Variants in MYO1B observed in about 807,000 individuals in gnomAD.
MYO1B encodes myosin IB, also known as unconventional myosin-Ib.
MYO1B carries 72 observed loss-of-function variants against 159.7 expected under a neutral mutation model. That is an observed-to-expected ratio of 0.45 (90% confidence interval 0.37 to 0.55). The LOEUF is 0.55. Among genes scored for constraint, MYO1B ranks in the 20% least tolerant of loss-of-function variants. The pLI is 0.00. For missense variants in MYO1B, 1,062 were observed against 1,364.8 expected, an observed-to-expected ratio of 0.78 and a Z score of 3.50; for synonymous variants, 468 against 473.8, an observed-to-expected ratio of 0.99 and a Z score of 0.16.
intron 3 of MYO1B, among the ~76,000 whole-genome samples, chr2:191,315,771 C>T (rs542147478): frequency 3.9e-5 from 6 of 152,234 alleles, no homozygotes; most frequent in South Asian, 2.1e-4. Flanking sequence ...GTGGAAGCAG[C>T]GGACATAACA....
intron 1 of MYO1B, among the ~76,000 whole-genome samples, chr2:191,271,514 A>G (rs975830967): frequency 1.7e-3 from 10 of 5,900 alleles, no homozygotes; most frequent in African/African-American, 3.4e-3. Flanking sequence ...TTTCTATTTA[A>G]ATCTAAAAAA....
chr2:191,365,997 G>A (rs1329585217), intron 11 of MYO1B, among the ~76,000 whole-genome samples: 2 of 152,134 alleles, frequency 1.3e-5, no homozygotes, highest in Non-Finnish European at 2.9e-5. Flanking sequence ...TCTGGGGTAG[G>A]ACCGAGGAAT....
chr2:191,377,337 A>G (rs1427512747), intron 13 of MYO1B, among the ~76,000 whole-genome samples: 1 of 152,158 alleles, frequency 6.6e-6, no homozygotes, highest in Admixed American at 6.5e-5. Context: ...TCAGGGATAA[A>G]TGTGGGTAAG....
chr2:191,253,034 G>A (rs1295817631), intron 1 of MYO1B, among the ~76,000 whole-genome samples: 2 of 151,588 alleles, frequency 1.3e-5, no homozygotes, highest in Admixed American at 6.6e-5. Context: ...CCCAAAGTGA[G>A]TTGTTCCATA....
intron 1 of MYO1B, among the ~76,000 whole-genome samples, chr2:191,255,976 T>A (rs79971626): frequency 4.6e-5 from 7 of 152,164 alleles, no homozygotes; most frequent in Non-Finnish European, 1.0e-4. Context: ...GCCTTCTATG[T>A]TTTTTCCAGT....
chr2:191,312,063 GA>G lies in MYO1B; in HGVS notation c.251+15841del, dbSNP rs58825168. Among the ~76,000 whole-genome samples the G allele has an allele frequency of 2.8e-3, 420 of 152,202 alleles. 3 individuals carry two copies. The highest frequency in any genetic ancestry group is 9.7e-3 in the African/African-American group (405 of 41,542). On this transcript the variant is annotated intron_variant, in intron 3 of 30. Transcript: ENST00000392318. ...GTAGCATAGATGCATTTTAAATTTT[GA>G]AAATCTTTGTCCTTTTCTATATTTA...
chr2:191,247,634 T>C (rs546330709), intron 1 of MYO1B, among the ~76,000 whole-genome samples: 2 of 152,360 alleles, frequency 1.3e-5, no homozygotes, highest in East Asian at 3.9e-4. Context: ...AGGGAGACTT[T>C]TTGTTGTTGT....
intron 4 of MYO1B, among the ~76,000 whole-genome samples, chr2:191,331,518 T>G (rs1215936663): frequency 6.6e-6 from 1 of 152,240 alleles, no homozygotes; most frequent in Non-Finnish European, 1.5e-5. Context: ...TACAGGACAA[T>G]CACTTAGTTA....
chr2:191,286,425 A>G (rs1429432194), intron 2 of MYO1B, among the ~76,000 whole-genome samples: 1 of 152,084 alleles, frequency 6.6e-6, no homozygotes, highest in Non-Finnish European at 1.5e-5. Flanking sequence ...GTGGCATATG[A>G]CATCTTAATA....
At chr2:191,278,258 T>C (rs2125747397) in intron 2 of MYO1B, among the ~76,000 whole-genome samples, 1 of 152,346 alleles carries the variant, frequency 6.6e-6, no homozygotes, top group African/African-American at 2.4e-5. Flanking sequence ...GCCTTCTAAC[T>C]GTGTCCTCAC....
In MYO1B at chr2:191,320,680, C is replaced by T. The variant is rs558477832; in HGVS notation, c.252-9255C>T. ...ATTCTGTAAGGCACACCCACAGATT[C>T]GGCCCCCACATACCTTTTAGTCTTG... On this transcript the variant is annotated intron_variant, in intron 3 of 30. Coordinates refer to ENST00000392318, the MANE Select transcript of MYO1B (RefSeq NM_001130158.3). Among the ~76,000 whole-genome samples, 3 of 152,176 alleles carry T rather than the reference C, an allele frequency of 2.0e-5. No homozygotes were observed. The East Asian group carries it at 5.8e-4, about 29-fold the overall frequency.
intron 11 of MYO1B, among the ~76,000 whole-genome samples, chr2:191,366,889 C>T (rs1243934804): frequency 1.3e-5 from 2 of 151,704 alleles, no homozygotes; most frequent in Admixed American, 6.6e-5. Context: ...CAGTTTGGCA[C>T]CTGTCCTCTG....
At chr2:191,387,640 T>TAA in intron 17 of MYO1B, 190 bp downstream of exon 17, 4 of 618,070 alleles carry the variant, frequency 6.5e-6, no homozygotes, top group Non-Finnish European at 8.5e-6. Flanking sequence ...AATAAGAAAG[T>TAA]AAAAAAGTAA....
intron 21 of MYO1B, among the ~76,000 whole-genome samples, chr2:191,399,101 CA>C (rs536937823): frequency 6.6e-6 from 1 of 150,398 alleles, no homozygotes; most frequent in African/African-American, 2.4e-5. Flanking sequence ...CCGTCTCCAC[CA>C]AAAAAAAACG....
chr2:191,378,477 G>A, intron 13 of MYO1B, among the ~76,000 whole-genome samples: 1 of 152,060 alleles, frequency 6.6e-6, no homozygotes, highest in East Asian at 1.9e-4. Flanking sequence ...CCTTCTTAAG[G>A]GTGGGGGAGA....
intron 1 of MYO1B, among the ~76,000 whole-genome samples, chr2:191,251,220 G>A (rs1686091658): frequency 6.6e-6 from 1 of 152,202 alleles, no homozygotes; most frequent in Non-Finnish European, 1.5e-5. Flanking sequence ...TCATCTGGGA[G>A]TTTCAGGGCG....
intron 1 of MYO1B, among the ~76,000 whole-genome samples, chr2:191,254,709 C>T (rs546039800): frequency 6.6e-5 from 10 of 152,198 alleles, no homozygotes; most frequent in Non-Finnish European, 1.2e-4. Flanking sequence ...TCTCATTGGT[C>T]CCAGGCTCCT....
chr2:191,386,220 A>G (rs1055522744), intron 16 of MYO1B, 136 bp downstream of exon 16: 12 of 729,862 alleles, frequency 1.6e-5, no homozygotes, highest in Non-Finnish European at 2.5e-5. Flanking sequence ...GAATCGATAA[A>G]TGTTCAATAG....
intron 1 of MYO1B, among the ~76,000 whole-genome samples, chr2:191,250,731 G>C (rs1293130526): frequency 6.6e-6 from 1 of 152,158 alleles, no homozygotes; most frequent in African/African-American, 2.4e-5. Flanking sequence ...GGAGGTATTT[G>C]TAGATGAGGG....
Sources: allele counts gnomAD v4.1 joint callset (sites outside exome capture counted in the v4.1 genomes callset), GRCh38; gene constraint gnomAD v4.1.1; transcripts MANE v1.5; gene names NCBI Gene and HGNC (gene_info 2026-07-23, HGNC 2026-07-21).